PRDM2: variants seen among roughly 807,000 people sequenced by gnomAD.
The protein encoded by PRDM2 is PR domain zinc finger protein 2.
PRDM2 carries 30 observed loss-of-function variants against 130.0 expected under a neutral mutation model. That is an observed-to-expected ratio of 0.23 (90% confidence interval 0.17 to 0.31). The LOEUF (loss-of-function observed/expected upper bound fraction) is 0.31. Among genes scored for constraint, PRDM2 ranks in the 10% least tolerant of loss-of-function variants. PRDM2 has a pLI of 1.00. For synonymous variants in PRDM2, 871 were observed against 782.4 expected (o/e 1.11, Z -1.89); for missense variants, 2,011 against 2,108.4 (o/e 0.95, Z 0.90).
rs569831459 is a variant in PRDM2 at position 13,764,847 on chromosome 1, A to G, written c.512-8231A>G. Among the ~76,000 whole-genome samples, 21 of 152,344 alleles carry G rather than the reference A, an allele frequency of 1.4e-4. 1 individual carries two copies. The highest frequency in any genetic ancestry group is 5.0e-4 in the African/African-American group (21 of 41,594). On this transcript the variant is annotated intron_variant, in intron 6 of 9. Transcript: ENST00000311066. ...CTAAAACCAGAGAGGTTTTATTTTT[A>G]TAATTTGCCTCCAGGATTACAGATA... is the stretch of plus-strand genomic sequence containing the variant.
chr1:13,792,260 C>CA (rs1644852396), intron 8 of PRDM2, among the ~76,000 whole-genome samples: 1 of 152,186 alleles, frequency 6.6e-6, no homozygotes, highest in Non-Finnish European at 1.5e-5. Context: ...AAATAGGACT[C>CA]ACTTTAAAAA....
At chr1:13,704,754 T>C (rs1365830072) in intron 1 of PRDM2, 4 of 152,364 alleles carry the variant, frequency 2.6e-5, no homozygotes, top group East Asian at 1.9e-4. Flanking sequence ...AATTATGCCA[T>C]GTAAGAGTCA....
intron 8 of PRDM2, chr1:13,787,047 A>C: frequency 1.0e-6 from 1 of 985,402 alleles, no homozygotes; most frequent in Non-Finnish European, 1.2e-6. Context: ...TACCCCTGGT[A>C]TTTCTTTTTT....
rs777806489 is a variant in PRDM2 at position 13,771,071 on chromosome 1, A to T, written c.512-2007A>T. Among the ~76,000 whole-genome samples the T allele has an allele frequency of 6.6e-6, 1 of 152,226 alleles. No homozygotes were observed. Among genetic ancestry groups the T allele is most frequent in the Non-Finnish European group, 1.5e-5 (1 of 68,044 alleles). On this transcript the variant is annotated intron_variant, in intron 6 of 9. Coordinates refer to ENST00000311066, the MANE Select transcript of PRDM2 (RefSeq NM_001393986.1). This position sits in a 1 kb window ranked among gnomAD's most constrained non-coding sequence, Gnocchi z 4.1. The stretch of plus-strand genomic sequence containing the variant: ...AAGGAGGTAGAATCCAAATTCCCTT[A>T]AACAAAACTGGATCCCTGAAGAACC...
At chr1:13,731,192 G>A in intron 3 of PRDM2, 75 bp downstream of exon 3, 2 of 1,162,816 alleles carry the variant, frequency 1.7e-6, no homozygotes, top group East Asian at 2.4e-5. Flanking sequence ...GCAGGGGCAT[G>A]TCAGGTAGGG....
chr1:13,747,643 C>CA (rs1276142170), intron 5 of PRDM2, among the ~76,000 whole-genome samples: 1 of 151,644 alleles, frequency 6.6e-6, no homozygotes, highest in Non-Finnish European at 1.5e-5. Flanking sequence ...ACTGTGTAGA[C>CA]AGTGAGAGTT....
chr1:13,762,168 T>G (rs764935252), intron 6 of PRDM2, among the ~76,000 whole-genome samples: 4 of 152,234 alleles, frequency 2.6e-5, no homozygotes, highest in Non-Finnish European at 4.4e-5. Flanking sequence ...CTCATTTACT[T>G]CTCTTTGACA....
intron 8 of PRDM2, chr1:13,787,868 A>G: frequency 1.0e-6 from 1 of 984,456 alleles, no homozygotes; most frequent in Non-Finnish European, 1.2e-6. Context: ...CATTGATTTT[A>G]ACCAATGTAG....
intron 5 of PRDM2, among the ~76,000 whole-genome samples, chr1:13,748,616 T>TC (rs1312846731): frequency 6.6e-6 from 1 of 152,208 alleles, no homozygotes; most frequent in Non-Finnish European, 1.5e-5. Context: ...ACTCAGTGGA[T>TC]CTTTTCTTCG....
At chr1:13,748,844 C>T (rs1235715318) in intron 5 of PRDM2, among the ~76,000 whole-genome samples, 1 of 152,176 alleles carries the variant, frequency 6.6e-6, no homozygotes, top group Admixed American at 6.5e-5. Context: ...CTCCCGTTGG[C>T]GGCTCTGGGA....
chr1:13,758,272 C>T (rs768125416), intron 6 of PRDM2, among the ~76,000 whole-genome samples: 5 of 151,706 alleles, frequency 3.3e-5, no homozygotes, highest in African/African-American at 9.7e-5. Context: ...GGTAAAACCC[C>T]GTCTCTACTA....
chr1:13,751,583 A>G (rs1057201755), intron 6 of PRDM2, among the ~76,000 whole-genome samples: 1 of 150,980 alleles, frequency 6.6e-6, no homozygotes, highest in African/African-American at 2.4e-5. Context: ...GACCTCAAAC[A>G]TTTAAATAAT....
rs1474189955 is a variant in PRDM2, at chr1:13,782,760, G to A, written c.4965G>A (p.Leu1655=). 1 of 1,612,224 alleles carries A rather than the reference G, an allele frequency of 6.2e-7. No homozygotes were observed. Among genetic ancestry groups the A allele is most frequent in the Non-Finnish European group, 8.5e-7 (1 of 1,179,428 alleles). The part of the protein sequence containing the change: ...SGGPVTRSLQ[L]AAAADLSENK... ...GGCCAGTCACCCGGAGCCTTCAGCT[G>A]GCAGCTGCTGCTGACTTGAGTGAGA... The change falls in exon 8 of 10, where the codon CTG becomes CTA. Residue 1655 remains leucine, a synonymous_variant. Transcript: ENST00000311066.
At position 13,753,824 on chromosome 1, in the gene PRDM2, AGTT is replaced by A. The variant is rs572376180; in HGVS notation, c.511+4340_511+4342del. On this transcript the variant is annotated intron_variant, in intron 6 of 9. Coordinates refer to ENST00000311066, the MANE Select transcript of PRDM2 (RefSeq NM_001393986.1). ...TCAAGAGGAACCTTGGGGACTGAGA[AGTT>A]GTGACTGTGTGGATGGTCTTCCCTT... Among the ~76,000 whole-genome samples the A allele has an allele frequency of 3.0e-4, 45 of 152,316 alleles. No homozygotes were observed. The East Asian group carries it at 8.1e-3, about 27-fold the overall frequency.
rs144029481 is a variant in PRDM2, at chr1:13,749,452, C to T, written c.476C>T (p.Ala159Val). ...GCGATTGAGGAAGAGCGAGCCAGCGCCCGGAGCAAGCGGAGCTCCCCCAAG... is the reference window on the plus strand; with the variant it reads ...GCGATTGAGGAAGAGCGAGCCAGCGTCCGGAGCAAGCGGAGCTCCCCCAAG... ...AAAIEEERAS[A>V]RSKRSSPKSR... Residue 159 changes from alanine to valine, a missense_variant, in exon 6 of 10, where the codon GCC (alanine) becomes GTC (valine). Coordinates refer to ENST00000311066, the MANE Select transcript of PRDM2 (RefSeq NM_001393986.1). The T allele has an allele frequency of 2.6e-3, 3,973 of 1,509,304 alleles. 5 individuals are homozygous for T. The highest frequency in any genetic ancestry group is 3.3e-3 in the Non-Finnish European group (3,716 of 1,117,072). 93.5% of individuals were successfully genotyped at this position (1,509,304 alleles called of 1,614,324 possible).
intron 1 of PRDM2, chr1:13,705,076 C>T (rs1642167133): frequency 6.6e-6 from 1 of 152,130 alleles, no homozygotes; most frequent in Non-Finnish European, 1.5e-5. Context: ...TGAATGCACT[C>T]TCGAGTAATT....
At chr1:13,821,328 T>G (rs1645347464) in intron 9 of PRDM2, among the ~76,000 whole-genome samples, 1 of 152,136 alleles carries the variant, frequency 6.6e-6, no homozygotes, top group Non-Finnish European at 1.5e-5. Flanking sequence ...GTAATAATAA[T>G]AGCAGTAGTT....
At position 13,823,212 on chromosome 1, in the gene PRDM2, C is replaced by T. The variant is rs779318810; in HGVS notation, c.*77C>T. The T allele has an allele frequency of 1.2e-6, 2 of 1,611,506 alleles. No homozygotes were observed. The highest frequency in any genetic ancestry group is 1.3e-5 in the African/African-American group (1 of 74,996). On this transcript the variant is annotated 3_prime_UTR_variant, in exon 10 of 10. Transcript: ENST00000311066. ...CCAAAGGGACTGGCAGTCTGCCCTGCAGGGAGTACCGACCTATCCCAGTTG... is the reference window on the plus strand; with the variant it reads ...CCAAAGGGACTGGCAGTCTGCCCTGTAGGGAGTACCGACCTATCCCAGTTG...
intron 8 of PRDM2, among the ~76,000 whole-genome samples, chr1:13,789,395 AG>A (rs1403184643): frequency 2.0e-5 from 3 of 152,320 alleles, no homozygotes; most frequent in Admixed American, 2.0e-4. Context: ...GCTGTGTTGT[AG>A]GTGCTTAGGA....
Sources: allele counts gnomAD v4.1 joint callset (sites outside exome capture counted in the v4.1 genomes callset), GRCh38; gene constraint gnomAD v4.1.1; non-coding constraint Gnocchi (gnomAD v3.1); transcripts MANE v1.5; gene names NCBI Gene and HGNC (gene_info 2026-07-23, HGNC 2026-07-21).